The following AFG2A variants were observed in gnomAD, a reference collection of about 807,000 sequenced individuals.
AFG2A encodes the protein AAA ATPase AFG2A.
the AFG2A span, among the ~76,000 whole-genome samples, chr4:123,001,289 G>A: frequency 2.0e-5 from 3 of 152,058 alleles, no homozygotes; most frequent in Admixed American, 6.6e-5. Context: ...AGGGTTTTTT[G>A]TGTGTCTATT....
At chr4:123,121,855 C>A in the AFG2A span, among the ~76,000 whole-genome samples, 17 of 152,232 alleles carry the variant, frequency 1.1e-4, no homozygotes, top group African/African-American at 3.9e-4. Context: ...TTTTTGTTTC[C>A]TCTTGAAGTA....
chr4:123,194,066 C>G, the AFG2A span, among the ~76,000 whole-genome samples: 143 of 152,150 alleles, frequency 9.4e-4, no homozygotes, highest in Admixed American at 1.7e-3. Context: ...CCACTGCGTC[C>G]TAGGGTGAGA....
chr4:123,237,259 T>C, the AFG2A span, among the ~76,000 whole-genome samples: 1 of 152,164 alleles, frequency 6.6e-6, no homozygotes, highest in African/African-American at 2.4e-5. Context: ...GGACAGATTG[T>C]AGTTTGCCAA....
the AFG2A span, among the ~76,000 whole-genome samples, chr4:123,270,032 G>A: frequency 2.0e-5 from 3 of 152,154 alleles, no homozygotes; most frequent in Admixed American, 2.0e-4. Flanking sequence ...GGCCAGGGTG[G>A]TCTCGATCTG....
At chr4:123,268,557 T>C in the AFG2A span, among the ~76,000 whole-genome samples, 1 of 152,164 alleles carries the variant, frequency 6.6e-6, no homozygotes, top group Admixed American at 6.5e-5. Flanking sequence ...ACTAAAAATT[T>C]GGAGTGCCAC....
chr4:122,942,330 A>G, the AFG2A span, among the ~76,000 whole-genome samples: 2 of 150,438 alleles, frequency 1.3e-5, no homozygotes, highest in Non-Finnish European at 1.5e-5. Context: ...TGGTCTATTC[A>G]GAGATTCAAC....
chr4:123,046,890 A>G, the AFG2A span, among the ~76,000 whole-genome samples: 2 of 152,208 alleles, frequency 1.3e-5, no homozygotes, highest in Non-Finnish European at 1.5e-5. Flanking sequence ...AACATAAAGT[A>G]TTTGTCTTTT....
the AFG2A span, among the ~76,000 whole-genome samples, chr4:123,252,042 T>G: frequency 1.3e-5 from 2 of 152,140 alleles, no homozygotes; most frequent in African/African-American, 4.8e-5. Context: ...AGTTTGGGAA[T>G]TTAAAATAGA....
chr4:123,077,044 TTG>T, the AFG2A span, among the ~76,000 whole-genome samples: 1 of 69,926 alleles, frequency 1.4e-5, no homozygotes, highest in African/African-American at 3.7e-5. Flanking sequence ...TTTCCTGTTG[TTG>T]TTTTTTTTTT....
the AFG2A span, among the ~76,000 whole-genome samples, chr4:122,967,770 TG>T: frequency 6.6e-6 from 1 of 152,298 alleles, no homozygotes; most frequent in East Asian, 1.9e-4. Context: ...CCTGAAGTGC[TG>T]GGATTATAGG....
At chr4:123,196,570 T>G in the AFG2A span, among the ~76,000 whole-genome samples, 3 of 152,150 alleles carry the variant, frequency 2.0e-5, no homozygotes, top group African/African-American at 7.2e-5. Context: ...CTTCTGAATA[T>G]TAAGGAATTT....
the AFG2A span, among the ~76,000 whole-genome samples, chr4:123,176,705 T>C: frequency 6.6e-6 from 1 of 152,162 alleles, no homozygotes; most frequent in Non-Finnish European, 1.5e-5. Context: ...CTATGTAGAT[T>C]GAAAACTATG....
the AFG2A span, among the ~76,000 whole-genome samples, chr4:122,930,824 G>A: frequency 4.6e-5 from 7 of 152,188 alleles, no homozygotes; most frequent in Non-Finnish European, 1.0e-4. Context: ...CAGACCTCTT[G>A]AGCGCACAGC....
At chr4:123,023,469 T>G in the AFG2A span, among the ~76,000 whole-genome samples, 2 of 152,190 alleles carry the variant, frequency 1.3e-5, no homozygotes, top group Admixed American at 6.5e-5. Context: ...CCTCCACCAG[T>G]TAGTAATGAA....
At chr4:123,088,129 CA>C in the AFG2A span, among the ~76,000 whole-genome samples, 3 of 152,136 alleles carry the variant, frequency 2.0e-5, no homozygotes, top group African/African-American at 7.2e-5. Context: ...TTTTATAATA[CA>C]TTTTCACTTT....
At chr4:123,050,753 T>TTTTTTTTTTTTTTTTG in the AFG2A span, among the ~76,000 whole-genome samples, 1 of 151,676 alleles carries the variant, frequency 6.6e-6, no homozygotes, top group African/African-American at 2.4e-5. Flanking sequence ...TTTTTTTTTT[T>TTTTTTTTTTTTTTTTG]GGAGATGGAG....
At chr4:123,237,281 G>A in the AFG2A span, among the ~76,000 whole-genome samples, 1 of 152,126 alleles carries the variant, frequency 6.6e-6, no homozygotes, top group African/African-American at 2.4e-5. Context: ...CCCTACAGAG[G>A]GGGGTACAGT....
At chr4:123,033,835 T>C in the AFG2A span, among the ~76,000 whole-genome samples, 3 of 152,172 alleles carry the variant, frequency 2.0e-5, 1 homozygote, top group African/African-American at 7.2e-5. Flanking sequence ...CATTTGTACA[T>C]TATAAGCTTT....
the AFG2A span, among the ~76,000 whole-genome samples, chr4:123,196,967 G>A: frequency 1.3e-5 from 2 of 152,142 alleles, no homozygotes; most frequent in African/African-American, 4.8e-5. Context: ...GATGTTACCA[G>A]TATTAACAGT....
Sources: gnomAD v4.1 joint callset for allele counts (sites outside exome capture counted in the v4.1 genomes callset) on GRCh38, gnomAD v4.1.1 for gene constraint, MANE v1.5 for transcripts, NCBI Gene and HGNC (gene_info 2026-07-23, HGNC 2026-07-21) for gene names.